Variants in PKHD1 observed in about 807,000 individuals in gnomAD.
PKHD1 encodes fibrocystin.
A neutral mutation model predicts 412.0 loss-of-function variants in PKHD1; 291 were observed. The ratio of observed to expected loss-of-function variants is 0.71; its 90% CI spans 0.64 to 0.78. The LOEUF (loss-of-function observed/expected upper bound fraction) is 0.78. Ranked by LOEUF, PKHD1 falls within the 30% of genes least tolerant of loss-of-function variation. The probability of loss-of-function intolerance (pLI) is 0.00; values close to 1 mark genes in which losing one functional copy is unlikely to be tolerated. For synonymous variants in PKHD1, 1,777 were observed against 1,821.5 expected (o/e 0.98, Z 0.62); for missense variants, 4,825 against 4,950.7 (o/e 0.97, Z 0.76).
chr6:51,973,542 G>A (rs554856177), intron 35 of PKHD1, among the ~76,000 whole-genome samples: 39 of 152,138 alleles, frequency 2.6e-4, no homozygotes, highest in Non-Finnish European at 3.5e-4. Context: ...GTCCCTCATA[G>A]TTTGGAAATC....
intron 60 of PKHD1, among the ~76,000 whole-genome samples, chr6:51,717,391 G>A (rs1467844475): frequency 2.0e-5 from 3 of 149,970 alleles, no homozygotes; most frequent in Non-Finnish European, 4.4e-5. Flanking sequence ...CAGTCTGGGG[G>A]TCGAGAGCAA....
rs74706014 is a variant in PKHD1, at chr6:52,061,410, C to T, written c.1118+1109G>A. ...TCCCAAACTCCTAGACTCAGGCGAT[C>T]CTCCTGTCTCAGCCTCCCAAGTAGA... On this transcript the variant is annotated intron_variant, in intron 14 of 66. Coordinates refer to ENST00000371117, the MANE Select transcript of PKHD1 (RefSeq NM_138694.4). Among the ~76,000 whole-genome samples the T allele has an allele frequency of 4.0e-3, 602 of 152,172 alleles. 4 individuals are homozygous for T. Among genetic ancestry groups the T allele is most frequent in the African/African-American group, 0.013 (558 of 41,520 alleles).
chr6:51,917,931 C>T (rs115589382), intron 37 of PKHD1, among the ~76,000 whole-genome samples: 354 of 152,190 alleles, frequency 2.3e-3, no homozygotes, highest in Non-Finnish European at 4.2e-3. Flanking sequence ...CCATAGTACA[C>T]ATATCAAACT....
intron 39 of PKHD1, among the ~76,000 whole-genome samples, chr6:51,911,032 T>A (rs180988562): frequency 6.6e-6 from 1 of 152,074 alleles, no homozygotes; most frequent in Non-Finnish European, 1.5e-5. Flanking sequence ...TTATGACATA[T>A]ACAAAATTAA....
chr6:52,004,457 G>A (rs1001915514), intron 35 of PKHD1, among the ~76,000 whole-genome samples: 5 of 151,850 alleles, frequency 3.3e-5, no homozygotes, highest in African/African-American at 4.8e-5. Context: ...TATCTAGTAC[G>A]TTTCAACATC....
intron 55 of PKHD1, among the ~76,000 whole-genome samples, chr6:51,770,596 AC>A (rs1414252858): frequency 2.0e-5 from 3 of 151,090 alleles, no homozygotes; most frequent in African/African-American, 7.3e-5. Flanking sequence ...TTTTAAATAT[AC>A]CTTTTTTGTT....
At chr6:51,725,873 A>G (rs1374915150) in intron 60 of PKHD1, among the ~76,000 whole-genome samples, 1 of 152,176 alleles carries the variant, frequency 6.6e-6, no homozygotes, top group African/African-American at 2.4e-5. Context: ...GGTGAGCATA[A>G]TTCATTGCCC....
chr6:51,952,656 A>C (rs936830502), intron 36 of PKHD1, among the ~76,000 whole-genome samples: 1 of 152,158 alleles, frequency 6.6e-6, no homozygotes, highest in Non-Finnish European at 1.5e-5. Context: ...TTTGAATATC[A>C]GCAAAGTTCC....
At chr6:51,912,146 C>T in intron 38 of PKHD1, among the ~76,000 whole-genome samples, 190 bp from the exon 39 acceptor site, 1 of 152,124 alleles carries the variant, frequency 6.6e-6, no homozygotes, top group Admixed American at 6.6e-5. Context: ...TTGCCCCAAA[C>T]ATTTGTGTAA....
intron 28 of PKHD1, among the ~76,000 whole-genome samples, chr6:52,033,749 A>T (rs1259459270): frequency 6.6e-6 from 1 of 152,172 alleles, no homozygotes; most frequent in African/African-American, 2.4e-5. Context: ...GGCTAGATTG[A>T]AACAGGAGAA....
chr6:52,065,168 T>TAGAGAGAGAGAG lies in PKHD1; in HGVS notation c.881-130_881-119dup, dbSNP rs70977326. 168 of 31,690 alleles carry TAGAGAGAGAGAG rather than the reference T, an allele frequency of 5.3e-3. 5 individuals are homozygous for TAGAGAGAGAGAG. Among genetic ancestry groups the TAGAGAGAGAGAG allele is most frequent in the South Asian group, 7.2e-3 (4 of 556 alleles). The allele number at this position is 31,690 out of a possible 1,614,324, so 2.0% of individuals were successfully genotyped here. A position where few individuals can be genotyped will look rare whatever the true frequency, so the allele number is the denominator to read the frequency against. The stretch of plus-strand genomic sequence containing the variant: ...ATATATATATATATATATATATATA[T>TAGAGAGAGAGAG]AGAGAGAGAGAGAGAGAGAGAGAGA... On this transcript the variant is annotated intron_variant, in intron 12 of 66. Coordinates refer to ENST00000371117, the MANE Select transcript of PKHD1 (RefSeq NM_138694.4).
intron 5 of PKHD1, 114 bp from the exon 6 acceptor site, chr6:52,076,447 C>T: frequency 2.6e-6 from 2 of 760,228 alleles, no homozygotes; most frequent in Non-Finnish European, 4.8e-6. Flanking sequence ...CTTATATTTA[C>T]TCATGTCACC....
intron 53 of PKHD1, 121 bp downstream of exon 53, chr6:51,791,114 AC>A (rs1375215611): frequency 1.6e-5 from 15 of 963,882 alleles, no homozygotes; most frequent in Non-Finnish European, 2.2e-5. Flanking sequence ...TGCACTCACT[AC>A]TACCTTAACC....
chr6:51,619,063 T>C lies in PKHD1; in HGVS notation c.*18A>G, dbSNP rs368932817. The C allele has an allele frequency of 1.3e-5, 21 of 1,612,188 alleles. No individual in the cohort carries two copies. Among genetic ancestry groups the C allele is most frequent in the Non-Finnish European group, 1.8e-5 (21 of 1,178,456 alleles). ...GGAACATTCTGCCTTTCAGGCCAAATGCCCCCAACTTCCCTGATCACAGTT... is the reference window on the plus strand; with the variant it reads ...GGAACATTCTGCCTTTCAGGCCAAACGCCCCCAACTTCCCTGATCACAGTT... On this transcript the variant is annotated 3_prime_UTR_variant, in exon 67 of 67. Coordinates refer to ENST00000371117, the MANE Select transcript of PKHD1 (RefSeq NM_138694.4).
At chr6:51,665,055 A>G (rs1051743445) in intron 60 of PKHD1, among the ~76,000 whole-genome samples, 3 of 152,196 alleles carry the variant, frequency 2.0e-5, no homozygotes, top group Admixed American at 6.6e-5. Flanking sequence ...GAATATTTAA[A>G]TTACTTCTTT....
intron 35 of PKHD1, among the ~76,000 whole-genome samples, chr6:51,984,994 G>C (rs541669500): frequency 6.7e-4 from 101 of 151,214 alleles, no homozygotes; most frequent in African/African-American, 2.4e-3. Context: ...AGATATTTTT[G>C]TCATTACTAG....
intron 46 of PKHD1, among the ~76,000 whole-genome samples, chr6:51,872,780 TG>T (rs1329898214): frequency 6.6e-6 from 1 of 151,668 alleles, no homozygotes; most frequent in African/African-American, 2.4e-5. Flanking sequence ...AAAATTTCAA[TG>T]CAAAATGAAC....
chr6:51,713,743 G>A (rs193292568), intron 60 of PKHD1, among the ~76,000 whole-genome samples: 19 of 152,204 alleles, frequency 1.2e-4, no homozygotes, highest in Admixed American at 2.6e-4. Context: ...GTAGACTCTA[G>A]TGTCCAAGTT....
At chr6:51,749,209 T>A (rs937801530) in intron 57 of PKHD1, among the ~76,000 whole-genome samples, 2 of 152,226 alleles carry the variant, frequency 1.3e-5, no homozygotes, top group African/African-American at 4.8e-5. Context: ...ATGCTTCTGA[T>A]TAAAACATGG....
Sources: gnomAD v4.1 joint callset for allele counts (sites outside exome capture counted in the v4.1 genomes callset) on GRCh38, gnomAD v4.1.1 for gene constraint, MANE v1.5 for transcripts, NCBI Gene and HGNC (gene_info 2026-07-23, HGNC 2026-07-21) for gene names.